Variants in CAGE1 observed in about 807,000 individuals in gnomAD.
CAGE1 encodes the protein cancer-associated gene 1 protein.
CAGE1 carries 66 observed loss-of-function variants against 94.9 expected under a neutral mutation model. The ratio of observed to expected loss-of-function variants is 0.70; its 90% CI spans 0.57 to 0.85. The LOEUF is 0.85. Ranked by LOEUF, CAGE1 falls within the 40% of genes least tolerant of loss-of-function variation. The probability of loss-of-function intolerance (pLI) is 0.00; values close to 1 mark genes in which losing one functional copy is unlikely to be tolerated. For missense variants in CAGE1, 865 were observed against 950.4 expected (o/e 0.91, Z 1.18); for synonymous variants, 319 against 321.0 (o/e 0.99, Z 0.07).
intron 9 of CAGE1, among the ~76,000 whole-genome samples, chr6:7,360,352 C>G (rs1760126007): frequency 1.3e-5 from 2 of 152,144 alleles, no homozygotes; most frequent in African/African-American, 4.8e-5. Flanking sequence ...GGTGCCAGGC[C>G]AGGTGGCCTG....
chr6:7,387,349 C>T (rs1378510634), intron 1 of CAGE1, among the ~76,000 whole-genome samples, 153 bp from the exon 2 acceptor site: 3 of 152,034 alleles, frequency 2.0e-5, no homozygotes, highest in Non-Finnish European at 2.9e-5. Flanking sequence ...TCTGAGTATA[C>T]CGTAATTTGG....
At chr6:7,364,684 G>T (rs1760266740) in intron 9 of CAGE1, among the ~76,000 whole-genome samples, 1 of 151,720 alleles carries the variant, frequency 6.6e-6, no homozygotes, top group Non-Finnish European at 1.5e-5. Flanking sequence ...TGGCCAGGGT[G>T]GTCTTGAACT....
At chr6:7,373,024 T>C (rs1561863837) in intron 5 of CAGE1, 49 bp downstream of exon 5, 2 of 1,354,642 alleles carry the variant, frequency 1.5e-6, no homozygotes, top group Non-Finnish European at 2.0e-6. Flanking sequence ...ACTAGACCAC[T>C]AGAAACTCTT....
chr6:7,356,388 A>G (rs1304220448), intron 9 of CAGE1, among the ~76,000 whole-genome samples: 2 of 152,232 alleles, frequency 1.3e-5, no homozygotes, highest in Non-Finnish European at 2.9e-5. Context: ...CAGAACACCT[A>G]TTGGTACATA....
chr6:7,366,178 G>A (rs377139260), intron 7 of CAGE1, among the ~76,000 whole-genome samples: 32 of 151,108 alleles, frequency 2.1e-4, no homozygotes, highest in African/African-American at 5.6e-4. Flanking sequence ...CCTGGGAGGC[G>A]GAGGTTGCAG....
In CAGE1 at chr6:7,373,593, T is replaced by C. The variant is rs1236009353; in HGVS notation, c.1226A>G (p.Gln409Arg). The C allele has an allele frequency of 3.1e-6, 5 of 1,613,506 alleles. No homozygotes were observed. Among genetic ancestry groups the C allele is most frequent in the Non-Finnish European group, 4.2e-6 (5 of 1,179,762 alleles). The change falls in exon 5 of 14, where the codon CAA becomes CGA. Residue 409 changes from glutamine (Q) to arginine (R), a missense_variant. Gln to Arg is a conservative substitution (Grantham distance 43, BLOSUM62 1). Transcript: ENST00000502583. ...ATAATTAGCCTTGATCTTCTTAAAT[T>C]GAAGCTGTAACATTTCCTTGTCATT... ...SRNDKEMLQL[Q>R]FKKIKANYVC...
Position 7,373,927 on chromosome 6 carries a change from G to A in CAGE1, c.892C>T (p.Pro298Ser), listed in dbSNP as rs767969952. 1.2e-6 allele frequency: 2 copies of A among 1,613,866 alleles called. No homozygotes were observed. Among genetic ancestry groups the A allele is most frequent in the African/African-American group, 1.3e-5 (1 of 74,916 alleles). Residue 298 changes from proline to serine, a missense_variant, in exon 5 of 14, where the codon CCT (proline) becomes TCT (serine). Transcript: ENST00000502583. ...TTTAAAGCCATGTCCTCTTGAACAG[G>A]TTGTAAGCTTTCAGCACTTTGCTCC... ...DWEQSAESLQ[P>S]VQEDMALNEV... is the part of the protein sequence containing the mutation.
intron 11 of CAGE1, chr6:7,342,103 G>A (rs773380873): frequency 1.0e-6 from 1 of 955,342 alleles, no homozygotes. Flanking sequence ...CCCACAGTTG[G>A]ATAGGTCACG....
At chr6:7,350,057 T>C (rs1000007537) in intron 11 of CAGE1, among the ~76,000 whole-genome samples, 11 of 150,148 alleles carry the variant, frequency 7.3e-5, no homozygotes, top group African/African-American at 2.7e-4. Flanking sequence ...AGTAAAGGGG[T>C]GGAAAAAGGC....
intron 11 of CAGE1, among the ~76,000 whole-genome samples, chr6:7,353,284 C>A (rs962904912): frequency 3.9e-5 from 6 of 151,976 alleles, no homozygotes; most frequent in Non-Finnish European, 8.8e-5. Flanking sequence ...AAACATATGA[C>A]AAAATGCTCA....
intron 10 of CAGE1, 31 bp from the exon 11 acceptor site, chr6:7,355,142 TTCATTC>T: frequency 6.8e-7 from 1 of 1,467,892 alleles, no homozygotes; most frequent in Non-Finnish European, 9.3e-7. Context: ...CCAATTATTT[TTCATTC>T]TAGAATTTTT....
chr6:7,375,554 C>T lies in CAGE1; in HGVS notation c.688-1423G>A, dbSNP rs137880005. Among the ~76,000 whole-genome samples the T allele has an allele frequency of 2.7e-3, 418 of 152,176 alleles. 3 individuals are homozygous for T. Among genetic ancestry groups the T allele is most frequent in the African/African-American group, 9.3e-3 (386 of 41,496 alleles). ...GAGTTGGAGACCAGTTTGGGTAACA[C>T]AGTGATACCCTATCTCTTCAAAAAA... is the stretch of plus-strand genomic sequence containing the variant. On this transcript the variant is annotated intron_variant, in intron 4 of 13. Coordinates refer to ENST00000502583, the MANE Select transcript of CAGE1 (RefSeq NM_001170692.2).
rs189944691 is a variant in CAGE1 at position 7,388,694 on chromosome 6, A to G, written c.-24+508T>C. On this transcript the variant is annotated intron_variant, in intron 1 of 13. Transcript: ENST00000502583. ...GAATTTCTGAATGAATAGTTTATTG[A>G]AAATTAGTTGTTTTCAAACCTATGT... 9.9e-3 allele frequency among the ~76,000 whole-genome samples: 1,502 copies of G among 152,272 alleles called. 18 individuals are homozygous for G. The highest frequency in any genetic ancestry group is 0.013 in the Non-Finnish European group (856 of 68,026).
At chr6:7,381,776 ACCTCAG>A in intron 3 of CAGE1, among the ~76,000 whole-genome samples, 1 of 150,936 alleles carries the variant, frequency 6.6e-6, no homozygotes, top group East Asian at 2.0e-4. Flanking sequence ...TGATCTGCCC[ACCTCAG>A]CCTCCCAAAG....
intron 2 of CAGE1, among the ~76,000 whole-genome samples, chr6:7,386,271 T>G (rs539070150): frequency 4.6e-5 from 7 of 152,386 alleles, no homozygotes; most frequent in African/African-American, 1.7e-4. Context: ...ATATCTTTGA[T>G]GTATTTTTAT....
At chr6:7,343,620 A>G (rs1759282141) in intron 11 of CAGE1, among the ~76,000 whole-genome samples, 1 of 152,214 alleles carries the variant, frequency 6.6e-6, no homozygotes, top group African/African-American at 2.4e-5. Context: ...ATGGCATGGA[A>G]GTATTCTTCC....
intron 3 of CAGE1, among the ~76,000 whole-genome samples, chr6:7,381,876 T>C (rs1326858829): frequency 6.7e-6 from 1 of 148,696 alleles, no homozygotes; most frequent in African/African-American, 2.5e-5. Flanking sequence ...AGTCTCACTC[T>C]GTCCCCAGGC....
intron 3 of CAGE1, among the ~76,000 whole-genome samples, chr6:7,382,378 T>G (rs912813514): frequency 5.9e-5 from 9 of 151,838 alleles, no homozygotes; most frequent in African/African-American, 1.7e-4. Flanking sequence ...CTCGGCTCAC[T>G]GCAACCTTCG....
At position 7,339,123 on chromosome 6, in the gene CAGE1, G is replaced by T; in HGVS notation, c.2370-5033C>A. 1 of 1,570,452 alleles carries T rather than the reference G, an allele frequency of 6.4e-7. No individual in the cohort carries two copies. The highest frequency in any genetic ancestry group is 8.8e-7 in the Non-Finnish European group (1 of 1,141,206). On this transcript the variant is annotated intron_variant, in intron 11 of 13. Transcript: ENST00000502583. This position sits in a 1 kb window ranked among gnomAD's most constrained non-coding sequence, Gnocchi z 4.7. ...CATCAGGCCGTCCACAAACTTCATG[G>T]ATTTAGCTCTCTGTCCTCAGAGTTT...
Sources: gnomAD v4.1 joint callset for allele counts (sites outside exome capture counted in the v4.1 genomes callset) on GRCh38, gnomAD v4.1.1 for gene constraint, Gnocchi (gnomAD v3.1) non-coding constraint, MANE v1.5 for transcripts, NCBI Gene and HGNC (gene_info 2026-07-23, HGNC 2026-07-21) for gene names.